The following PTPRT variants were observed in gnomAD, a reference collection of about 807,000 sequenced individuals.
PTPRT encodes the protein protein tyrosine phosphatase receptor type T, also known as receptor-type tyrosine-protein phosphatase T.
In PTPRT, 56 loss-of-function variants were observed where a neutral mutation model predicts 176.8. The ratio of observed to expected loss-of-function variants is 0.32; its 90% CI spans 0.26 to 0.40. The LOEUF is 0.40. Ranked by LOEUF, PTPRT falls within the 10% of genes least tolerant of loss-of-function variation. PTPRT has a pLI of 1.00. For synonymous variants in PTPRT, 783 were observed against 739.0 expected, an observed-to-expected ratio of 1.06 and a Z score of -0.96; for missense variants, 1,540 against 1,908.2, an observed-to-expected ratio of 0.81 and a Z score of 3.60.
Position 42,078,723 on chromosome 20 carries a change from C to G in PTPRT, c.*2156G>C, listed in dbSNP as rs1403272169. 5.6e-6 allele frequency: 1 copy of G among 178,536 alleles called. No homozygotes were observed. Among genetic ancestry groups the G allele is most frequent in the Non-Finnish European group, 1.2e-5 (1 of 83,234 alleles). 11.1% of individuals were successfully genotyped at this position (178,536 alleles called of 1,614,324 possible). On this transcript the variant is annotated 3_prime_UTR_variant, in exon 31 of 31. Transcript: ENST00000373187. ...TGTGCTGTGCCCGCACTGGGCTGGC[C>G]TCCCCCAGACTGCTTCTCCCAATGC...
At chr20:42,941,031 G>A (rs1398299897) in intron 1 of PTPRT, among the ~76,000 whole-genome samples, 2 of 151,556 alleles carry the variant, frequency 1.3e-5, no homozygotes, top group East Asian at 1.9e-4. Flanking sequence ...GCAGTGAGCC[G>A]AGATCATGCC....
At chr20:42,753,272 C>T (rs549102941) in intron 6 of PTPRT, among the ~76,000 whole-genome samples, 1 of 152,214 alleles carries the variant, frequency 6.6e-6, no homozygotes, top group East Asian at 1.9e-4. Context: ...CCTGGCTGTG[C>T]TAATTCTCCC....
intron 1 of PTPRT, among the ~76,000 whole-genome samples, chr20:43,080,310 C>T (rs1334855494): frequency 6.6e-6 from 1 of 152,220 alleles, no homozygotes; most frequent in East Asian, 1.9e-4. Flanking sequence ...GTGACGACTA[C>T]AGAGAGCAGA....
chr20:42,395,277 C>A (rs920174555), intron 9 of PTPRT, among the ~76,000 whole-genome samples: 1 of 152,166 alleles, frequency 6.6e-6, no homozygotes, highest in African/African-American at 2.4e-5. Context: ...GGTGAGAACA[C>A]GGCACATGTC....
At chr20:42,248,600 T>A in intron 14 of PTPRT, 87 bp downstream of exon 14, 1 of 1,496,264 alleles carries the variant, frequency 6.7e-7, no homozygotes, top group South Asian at 1.2e-5. Context: ...TGCTGGACAA[T>A]GATCAACAGA....
intron 6 of PTPRT, among the ~76,000 whole-genome samples, chr20:42,723,057 G>A (rs550135330): frequency 6.6e-6 from 1 of 152,148 alleles, no homozygotes; most frequent in Non-Finnish European, 1.5e-5. Flanking sequence ...GTAATAATAT[G>A]AATATAACCT....
rs868276772 is a variant in PTPRT, at chr20:42,893,736, T to C, written c.89-7804A>G. 2.4e-3 allele frequency among the ~76,000 whole-genome samples: 362 copies of C among 151,624 alleles called. 1 individual carries two copies. Among genetic ancestry groups the C allele is most frequent in the African/African-American group, 8.3e-3 (344 of 41,236 alleles). On this transcript the variant is annotated intron_variant, in intron 1 of 30. Coordinates refer to ENST00000373187, the MANE Select transcript of PTPRT (RefSeq NM_007050.6). ...GGGACATGGATGAAATTGGAAATCA[T>C]CATTCTCAGTAAACTATCGCAAGGA... is the stretch of plus-strand genomic sequence containing the variant.
At chr20:42,996,822 T>C (rs1203547825) in intron 1 of PTPRT, among the ~76,000 whole-genome samples, 1 of 152,210 alleles carries the variant, frequency 6.6e-6, no homozygotes, top group Non-Finnish European at 1.5e-5. Context: ...AATAGCTATA[T>C]GTCTCAGCGT....
intron 9 of PTPRT, among the ~76,000 whole-genome samples, chr20:42,429,361 G>A (rs2059195581): frequency 6.6e-6 from 1 of 152,172 alleles, no homozygotes; most frequent in African/African-American, 2.4e-5. Flanking sequence ...TCGTGGAGGA[G>A]TGAACTAAGT....
chr20:43,168,533 G>T (rs1440599576), intron 1 of PTPRT, among the ~76,000 whole-genome samples: 1 of 152,190 alleles, frequency 6.6e-6, no homozygotes, highest in Non-Finnish European at 1.5e-5. Flanking sequence ...TTCCCATGCT[G>T]ATATGAATCT....
At chr20:42,252,695 C>G (rs1466738050) in intron 13 of PTPRT, among the ~76,000 whole-genome samples, 1 of 152,204 alleles carries the variant, frequency 6.6e-6, no homozygotes, top group Non-Finnish European at 1.5e-5. Flanking sequence ...AATTCCAAGA[C>G]ATTCCTAAAT....
chr20:42,871,378 T>C (rs762779506), intron 2 of PTPRT, among the ~76,000 whole-genome samples: 2 of 152,176 alleles, frequency 1.3e-5, no homozygotes, highest in African/African-American at 4.8e-5. Flanking sequence ...ATTCTTTATG[T>C]ATTCCAGATA....
At chr20:42,633,792 T>A (rs1373143279) in intron 7 of PTPRT, among the ~76,000 whole-genome samples, 121 of 58,444 alleles carry the variant, frequency 2.1e-3, no homozygotes, top group Non-Finnish European at 2.6e-3. Context: ...AAAATATATA[T>A]ATATATATAT....
chr20:42,075,967 C>T lies in PTPRT; in HGVS notation c.*4912G>A, dbSNP rs759464200. 18 of 222,402 alleles carry T rather than the reference C, an allele frequency of 8.1e-5. No individual in the cohort carries two copies. Among genetic ancestry groups the T allele is most frequent in the Non-Finnish European group, 1.5e-4 (17 of 111,214 alleles). The allele number at this position is 222,402 out of a possible 1,614,324, so 13.8% of individuals were successfully genotyped here. Reference sequence around the variant, plus strand: ...TTGCTAAATAAGTCATCTGCATCCTCGGTTCTGAGTATTCACTGGGTTCCA... The same window carrying T: ...TTGCTAAATAAGTCATCTGCATCCTTGGTTCTGAGTATTCACTGGGTTCCA... On this transcript the variant is annotated 3_prime_UTR_variant, in exon 31 of 31. Coordinates refer to ENST00000373187, the MANE Select transcript of PTPRT (RefSeq NM_007050.6).
intron 1 of PTPRT, among the ~76,000 whole-genome samples, chr20:42,938,752 G>A (rs1980364820): frequency 6.6e-6 from 1 of 152,152 alleles, no homozygotes; most frequent in Non-Finnish European, 1.5e-5. Flanking sequence ...TGGTTTTACT[G>A]AAAGTCTATA....
intron 11 of PTPRT, among the ~76,000 whole-genome samples, chr20:42,343,001 T>C (rs967553291): frequency 6.6e-6 from 1 of 152,176 alleles, no homozygotes; most frequent in Non-Finnish European, 1.5e-5. Flanking sequence ...TAGAAGTATA[T>C]ATCTTGTTAC....
chr20:42,337,148 T>C (rs928396603), intron 11 of PTPRT, among the ~76,000 whole-genome samples: 1 of 150,626 alleles, frequency 6.6e-6, no homozygotes, highest in Non-Finnish European at 1.5e-5. Flanking sequence ...TTACAGATAT[T>C]TAGAAGCCCC....
At chr20:42,767,310 T>G (rs1299314776) in intron 5 of PTPRT, among the ~76,000 whole-genome samples, 4 of 152,114 alleles carry the variant, frequency 2.6e-5, no homozygotes, top group Non-Finnish European at 4.4e-5. Flanking sequence ...CTCCCCAGCG[T>G]GAATGGGCAC....
chr20:42,947,682 C>G (rs528396283), intron 1 of PTPRT, among the ~76,000 whole-genome samples: 11 of 152,282 alleles, frequency 7.2e-5, no homozygotes, highest in African/African-American at 2.2e-4. Flanking sequence ...CCTTTTCTTT[C>G]CTCCCCTGCA....
Sources: gnomAD v4.1 joint callset for allele counts (sites outside exome capture counted in the v4.1 genomes callset) on GRCh38, gnomAD v4.1.1 for gene constraint, MANE v1.5 for transcripts, NCBI Gene and HGNC (gene_info 2026-07-23, HGNC 2026-07-21) for gene names.